KAZN: variants seen among roughly 807,000 people sequenced by gnomAD.
KAZN encodes the protein kazrin.
KAZN carries 40 observed loss-of-function variants against 87.4 expected under a neutral mutation model. The observed-to-expected ratio is 0.46, with a 90% confidence interval of 0.36 to 0.60. The LOEUF (loss-of-function observed/expected upper bound fraction) is 0.60. KAZN is among the 20% of genes least tolerant of loss of function. The pLI, the probability that KAZN is intolerant of heterozygous loss-of-function variation, is 0.00. For missense variants in KAZN, 898 were observed against 1,073.9 expected (o/e 0.84, Z 2.29); for synonymous variants, 466 against 458.3 (o/e 1.02, Z -0.22).
intron 2 of KAZN, among the ~76,000 whole-genome samples, chr1:14,990,073 A>C (rs1667202280): frequency 6.6e-6 from 1 of 152,178 alleles, no homozygotes; most frequent in Non-Finnish European, 1.5e-5. Context: ...ACCTGCTCAA[A>C]GCCACACAGC....
chr1:14,247,161 G>A (rs1174655253), intron 2 of KAZN, among the ~76,000 whole-genome samples: 1 of 152,080 alleles, frequency 6.6e-6, no homozygotes, highest in Non-Finnish European at 1.5e-5. Flanking sequence ...AGAAGAAGTG[G>A]TTACATTTTT....
chr1:14,863,335 G>A (rs1219974216), intron 1 of KAZN, among the ~76,000 whole-genome samples: 5 of 152,194 alleles, frequency 3.3e-5, no homozygotes, highest in South Asian at 2.1e-4. Flanking sequence ...AGACCCCATC[G>A]GGGCAGCAGA....
intron 2 of KAZN, among the ~76,000 whole-genome samples, chr1:14,401,013 C>T (rs1406437820): frequency 6.6e-6 from 1 of 152,150 alleles, no homozygotes; most frequent in Non-Finnish European, 1.5e-5. Flanking sequence ...AATTTTGTTC[C>T]AAAAACAAGG....
chr1:14,446,954 G>A (rs984303198), intron 2 of KAZN, among the ~76,000 whole-genome samples: 1 of 152,088 alleles, frequency 6.6e-6, no homozygotes, highest in South Asian at 2.1e-4. Context: ...GTACAGGTTT[G>A]TTATATAGGG....
At chr1:14,065,923 G>A (rs1254432845) in intron 1 of KAZN, among the ~76,000 whole-genome samples, 2 of 152,096 alleles carry the variant, frequency 1.3e-5, no homozygotes, top group African/African-American at 2.4e-5. Flanking sequence ...TCTGTCACCC[G>A]AGTAGTATAC....
chr1:13,934,756 T>C (rs1369766573), intron 1 of KAZN, among the ~76,000 whole-genome samples: 1 of 151,860 alleles, frequency 6.6e-6, no homozygotes, highest in Admixed American at 6.6e-5. Context: ...TTGTATTTAC[T>C]CCTTGGGCAA....
At chr1:14,930,706 C>T (rs1232106538) in intron 1 of KAZN, among the ~76,000 whole-genome samples, 1 of 152,204 alleles carries the variant, frequency 6.6e-6, no homozygotes, top group East Asian at 1.9e-4. Flanking sequence ...CTCCTGGGAC[C>T]CTTCCTCCTG....
chr1:14,741,256 A>C (rs1644090551), intron 1 of KAZN, among the ~76,000 whole-genome samples: 1 of 152,218 alleles, frequency 6.6e-6, no homozygotes, highest in Non-Finnish European at 1.5e-5. Context: ...TATCTTGACC[A>C]TCTTTGCCTC....
At chr1:14,869,492 C>T (rs1270595970) in intron 1 of KAZN, among the ~76,000 whole-genome samples, 1 of 152,094 alleles carries the variant, frequency 6.6e-6, no homozygotes. Context: ...TTGATGAGTT[C>T]TGTAATTTTT....
chr1:14,681,637 A>T (rs867320353), intron 1 of KAZN, among the ~76,000 whole-genome samples: 6 of 18,988 alleles, frequency 3.2e-4, no homozygotes, highest in Non-Finnish European at 5.5e-4. Flanking sequence ...ATATATATAT[A>T]TATATATATA....
chr1:14,618,567 T>C (rs943454027), intron 1 of KAZN, among the ~76,000 whole-genome samples: 5 of 152,192 alleles, frequency 3.3e-5, no homozygotes, highest in Admixed American at 3.3e-4. Context: ...ATATATGTAT[T>C]TTCGTGTTTA....
intron 1 of KAZN, among the ~76,000 whole-genome samples, chr1:14,633,117 G>A (rs1277765878): frequency 3.3e-5 from 5 of 152,068 alleles, no homozygotes. Context: ...GGGTTTCACT[G>A]TGTTGGCCAG....
Position 15,007,956 on chromosome 1 carries a change from G to A in KAZN, c.419-26793G>A, listed in dbSNP as rs190616628. 4.6e-5 allele frequency among the ~76,000 whole-genome samples: 7 copies of A among 152,296 alleles called. No homozygotes were observed. The East Asian group carries it at 1.4e-3, about 29-fold the overall frequency. ...CGTCACCCAGCCTTGGCACAGAGGC[G>A]GCCCCTGCGAGTGGGACTGGTCAGC... is the stretch of plus-strand genomic sequence containing the variant. On this transcript the variant is annotated intron_variant, in intron 2 of 14. Transcript: ENST00000376030.
intron 1 of KAZN, among the ~76,000 whole-genome samples, chr1:14,926,885 C>G (rs562150964): frequency 1.3e-5 from 2 of 152,244 alleles, no homozygotes; most frequent in Non-Finnish European, 2.9e-5. Flanking sequence ...TTGGCACTTT[C>G]AGAGATGTGG....
chr1:14,361,001 C>G (rs947786544), intron 2 of KAZN, among the ~76,000 whole-genome samples: 1 of 152,220 alleles, frequency 6.6e-6, no homozygotes, highest in Non-Finnish European at 1.5e-5. Context: ...TCAGAGCCAG[C>G]AGGCAGGAAT....
At chr1:15,023,624 A>C (rs1670898737) in intron 2 of KAZN, among the ~76,000 whole-genome samples, 1 of 152,002 alleles carries the variant, frequency 6.6e-6, no homozygotes, top group Non-Finnish European at 1.5e-5. Context: ...CTCCCCCTTG[A>C]TGGGGACAGG....
intron 1 of KAZN, among the ~76,000 whole-genome samples, chr1:14,047,679 C>G (rs1395808743): frequency 6.6e-6 from 1 of 152,074 alleles, no homozygotes; most frequent in Non-Finnish European, 1.5e-5. Context: ...ACCAGCCTGG[C>G]CAACATGGTG....
At chr1:14,761,571 C>T (rs1466606665) in intron 1 of KAZN, among the ~76,000 whole-genome samples, 1 of 152,222 alleles carries the variant, frequency 6.6e-6, no homozygotes, top group African/African-American at 2.4e-5. Flanking sequence ...CCACTGTCTT[C>T]TGTAAGAAGA....
intron 1 of KAZN, among the ~76,000 whole-genome samples, chr1:14,610,841 T>C (rs1296247699): frequency 6.6e-6 from 1 of 152,202 alleles, no homozygotes; most frequent in Non-Finnish European, 1.5e-5. Context: ...TTTTTCACTA[T>C]CCCTTTAGGG....
Sources: allele counts gnomAD v4.1 joint callset (sites outside exome capture counted in the v4.1 genomes callset), GRCh38; gene constraint gnomAD v4.1.1; transcripts MANE v1.5; gene names NCBI Gene and HGNC (gene_info 2026-07-23, HGNC 2026-07-21).